Variants in ASAP1 observed in about 807,000 individuals in gnomAD.
ASAP1 encodes arf-GAP with SH3 domain, ANK repeat and PH domain-containing protein 1.
Under a neutral mutation model 145.2 loss-of-function variants are expected in ASAP1, and 43 were observed. That is an observed-to-expected ratio of 0.30 (90% CI 0.23 to 0.38). The LOEUF (loss-of-function observed/expected upper bound fraction) is 0.38, where lower values mean the gene tolerates loss of function less well. Among genes scored for constraint, ASAP1 ranks in the 10% least tolerant of loss-of-function variants. The pLI is 1.00. For missense variants in ASAP1, 1,018 were observed against 1,355.3 expected, an observed-to-expected ratio of 0.75 and a Z score of 3.91; for synonymous variants, 546 against 515.5, an observed-to-expected ratio of 1.06 and a Z score of -0.80.
At chr8:130,152,347 T>C (rs1040967575) in intron 13 of ASAP1, among the ~76,000 whole-genome samples, 13 of 152,236 alleles carry the variant, frequency 8.5e-5, no homozygotes, top group African/African-American at 3.1e-4. Context: ...CAAAACTTAC[T>C]GTGCACTTCT....
intron 3 of ASAP1, among the ~76,000 whole-genome samples, chr8:130,287,517 G>A (rs1399019449): frequency 6.6e-6 from 1 of 152,106 alleles, no homozygotes; most frequent in Non-Finnish European, 1.5e-5. Flanking sequence ...GGGAGGCCTA[G>A]TTAGGCTAAA....
intron 26 of ASAP1, among the ~76,000 whole-genome samples, chr8:130,077,776 CT>C (rs1440492647): frequency 1.3e-5 from 2 of 152,092 alleles, no homozygotes; most frequent in Non-Finnish European, 2.9e-5. Context: ...CTTGGCCATC[CT>C]TGATCTTCAC....
At chr8:130,241,166 A>G (rs1353855375) in intron 3 of ASAP1, among the ~76,000 whole-genome samples, 1 of 151,966 alleles carries the variant, frequency 6.6e-6, no homozygotes, top group Non-Finnish European at 1.5e-5. Context: ...CTCTTCCCCA[A>G]AGCTCTCTGG....
At chr8:130,290,050 T>G (rs1821856563) in intron 3 of ASAP1, among the ~76,000 whole-genome samples, 1 of 152,188 alleles carries the variant, frequency 6.6e-6, no homozygotes, top group Non-Finnish European at 1.5e-5. Context: ...TACTCGACAG[T>G]TGGCAACGGC....
At chr8:130,208,797 C>CT (rs1304399244) in intron 5 of ASAP1, 1 of 152,132 alleles carries the variant, frequency 6.6e-6, no homozygotes, top group Admixed American at 6.5e-5. Context: ...AAGTCATATT[C>CT]TTTTGAACTT....
At chr8:130,123,983 A>AAAAAAGTTC in intron 18 of ASAP1, 30 bp downstream of exon 18, 1 of 1,535,790 alleles carries the variant, frequency 6.5e-7, no homozygotes. Context: ...AGAATGGTTT[A>AAAAAAGTTC]AAAAAGTTCA....
chr8:130,186,706 C>A (rs1302749843), intron 7 of ASAP1, among the ~76,000 whole-genome samples: 2 of 152,182 alleles, frequency 1.3e-5, no homozygotes, highest in African/African-American at 4.8e-5. Flanking sequence ...AACTAGCTTT[C>A]TAGCCTTTCA....
chr8:130,440,492 C>T (rs1460357678), intron 1 of ASAP1, among the ~76,000 whole-genome samples: 1 of 150,320 alleles, frequency 6.7e-6, no homozygotes, highest in East Asian at 1.9e-4. Context: ...GGGCAACAGA[C>T]CTAGACTCTG....
chr8:130,386,384 G>T (rs543618522), intron 2 of ASAP1, among the ~76,000 whole-genome samples: 1 of 152,166 alleles, frequency 6.6e-6, no homozygotes, highest in Non-Finnish European at 1.5e-5. Flanking sequence ...GAGGTAACAC[G>T]TTCCATTGCC....
At chr8:130,339,156 A>G (rs1243662293) in intron 3 of ASAP1, among the ~76,000 whole-genome samples, 1 of 152,252 alleles carries the variant, frequency 6.6e-6, no homozygotes, top group African/African-American at 2.4e-5. Flanking sequence ...GGCAAAAGCC[A>G]TAGACACGAA....
At chr8:130,114,429 T>A (rs1367004139) in intron 23 of ASAP1, among the ~76,000 whole-genome samples, 1 of 152,150 alleles carries the variant, frequency 6.6e-6, no homozygotes, top group African/African-American at 2.4e-5. Flanking sequence ...AAATGGTACA[T>A]CTATGTAGGA....
chr8:130,130,981 C>T (rs193291552), intron 15 of ASAP1, among the ~76,000 whole-genome samples: 2 of 152,184 alleles, frequency 1.3e-5, no homozygotes, highest in South Asian at 2.1e-4. Flanking sequence ...ACGGTGAAAC[C>T]CCATCTCTAC....
intron 24 of ASAP1, among the ~76,000 whole-genome samples, chr8:130,108,455 GT>G (rs755462444): frequency 3.9e-5 from 6 of 152,164 alleles, no homozygotes; most frequent in Non-Finnish European, 7.3e-5. Flanking sequence ...CTATCTTTGA[GT>G]TAAGATGCCT....
intron 29 of ASAP1, 148 bp downstream of exon 29, chr8:130,057,806 G>A (rs975626479): frequency 3.9e-6 from 4 of 1,027,604 alleles, no homozygotes; most frequent in Non-Finnish European, 5.7e-6. Context: ...GACACCAAAT[G>A]CAATGGCTGT....
intron 27 of ASAP1, among the ~76,000 whole-genome samples, chr8:130,067,942 C>T (rs1038006883): frequency 6.6e-6 from 1 of 152,106 alleles, no homozygotes; most frequent in South Asian, 2.1e-4. Context: ...TTGGTATCAG[C>T]GAAGCAGGAT....
intron 2 of ASAP1, among the ~76,000 whole-genome samples, chr8:130,394,518 T>C (rs1160035624): frequency 6.6e-6 from 1 of 152,230 alleles, no homozygotes; most frequent in Non-Finnish European, 1.5e-5. Flanking sequence ...CCTGTGGTCC[T>C]GTGATCTCAC....
At chr8:130,057,373 C>G (rs2097406449) in intron 29 of ASAP1, among the ~76,000 whole-genome samples, 1 of 152,232 alleles carries the variant, frequency 6.6e-6, no homozygotes, top group Non-Finnish European at 1.5e-5. Flanking sequence ...ATGCCTACAA[C>G]TCACAAGGTT....
At chr8:130,352,183 T>C (rs1445451536) in intron 3 of ASAP1, among the ~76,000 whole-genome samples, 1 of 151,608 alleles carries the variant, frequency 6.6e-6, no homozygotes, top group Admixed American at 6.6e-5. Flanking sequence ...AAAGTATAAA[T>C]CTTGATTTTA....
At chr8:130,429,233 A>G (rs1046235675) in intron 1 of ASAP1, among the ~76,000 whole-genome samples, 1 of 152,172 alleles carries the variant, frequency 6.6e-6, no homozygotes, top group African/African-American at 2.4e-5. Context: ...TAAAAACACA[A>G]TCTGAGGTTT....
Sources: gnomAD v4.1 joint callset for allele counts (sites outside exome capture counted in the v4.1 genomes callset) on GRCh38, gnomAD v4.1.1 for gene constraint, MANE v1.5 for transcripts, NCBI Gene and HGNC (gene_info 2026-07-23, HGNC 2026-07-21) for gene names.